Variants in EPB41L2 observed in about 807,000 individuals in gnomAD.
The protein encoded by EPB41L2 is band 4.1-like protein 2.
EPB41L2 carries 43 observed loss-of-function variants against 113.0 expected under a neutral mutation model. The observed-to-expected ratio is 0.38, with a 90% CI of 0.30 to 0.49. EPB41L2 has a LOEUF of 0.49. EPB41L2 is among the 20% of genes least tolerant of loss of function. EPB41L2 has a pLI of 0.95. For synonymous variants in EPB41L2, 442 were observed against 436.7 expected (o/e 1.01, Z -0.15); for missense variants, 1,147 against 1,223.4 (o/e 0.94, Z 0.93).
intron 3 of EPB41L2, among the ~76,000 whole-genome samples, chr6:130,932,923 T>C (rs970377299): frequency 5.9e-5 from 9 of 152,238 alleles, no homozygotes; most frequent in African/African-American, 1.9e-4. Context: ...TACCAACCCA[T>C]AATGTTCAAG....
intron 1 of EPB41L2, among the ~76,000 whole-genome samples, chr6:130,989,841 C>CAT (rs1181637678): frequency 2.0e-5 from 3 of 152,102 alleles, no homozygotes; most frequent in Admixed American, 6.5e-5. Context: ...TGGTAAGACA[C>CAT]ATGGCCAAAG....
At chr6:130,900,216 T>G (rs1795916515) in intron 7 of EPB41L2, among the ~76,000 whole-genome samples, 1 of 152,136 alleles carries the variant, frequency 6.6e-6, no homozygotes, top group African/African-American at 2.4e-5. Flanking sequence ...TAAGAAAACA[T>G]TTAGAGTCAA....
At chr6:130,974,154 AAGGTCATG>A (rs1293608119) in intron 1 of EPB41L2, among the ~76,000 whole-genome samples, 1 of 152,152 alleles carries the variant, frequency 6.6e-6, no homozygotes, top group East Asian at 1.9e-4. Context: ...AGGTTTAGAT[AAGGTCATG>A]AGGGTGGGGC....
At chr6:130,944,619 T>C (rs1468177484) in intron 3 of EPB41L2, among the ~76,000 whole-genome samples, 1 of 152,142 alleles carries the variant, frequency 6.6e-6, no homozygotes, top group African/African-American at 2.4e-5. Context: ...GGATTTGAGT[T>C]GGAAACTAAG....
In EPB41L2 at chr6:130,869,637, C is replaced by G. The variant is rs981756305; in HGVS notation, c.2533G>C (p.Glu845Gln). Residue 845 changes from glutamate (E) to glutamine (Q), a missense_variant, in exon 15 of 20, where the codon GAG (glutamate) becomes CAG (glutamine). Glu to Gln is a conservative substitution (Grantham distance 29, BLOSUM62 2). Coordinates refer to ENST00000337057, the MANE Select transcript of EPB41L2 (RefSeq NM_001431.4). ...KQDMGEEAEEEPQKVNGEVSH... is the reference protein window; with the variant it reads ...KQDMGEEAEEQPQKVNGEVSH... ...ACCTCTCCGTTAACTTTCTGTGGCT[C>G]TTCCTCTGCTTCTTCTCCCATGTCT... 6.2e-6 allele frequency: 10 copies of G among 1,614,218 alleles called. No homozygotes were observed. The highest frequency in any genetic ancestry group is 8.5e-6 in the Non-Finnish European group (10 of 1,180,036).
intron 1 of EPB41L2, among the ~76,000 whole-genome samples, chr6:130,961,554 GAAT>G (rs1583984232): frequency 6.6e-6 from 1 of 152,104 alleles, no homozygotes; most frequent in Admixed American, 6.6e-5. Context: ...CCCTTAATCA[GAAT>G]ACTACAGCAA....
chr6:130,956,633 G>A, intron 1 of EPB41L2, 134 bp from the exon 2 acceptor site: 1 of 841,264 alleles, frequency 1.2e-6, no homozygotes, highest in Non-Finnish European at 1.8e-6. Context: ...CAAGAAAGAA[G>A]ATTCAAAAGC....
At chr6:130,870,965 G>GTCAATATATATACAA (rs1362801533) in intron 14 of EPB41L2, among the ~76,000 whole-genome samples, 33 of 152,212 alleles carry the variant, frequency 2.2e-4, no homozygotes, top group Admixed American at 9.2e-4. Context: ...AATAGGGTGG[G>GTCAATATATATACAA]TGTCAATGGT....
At chr6:130,981,582 A>G (rs939258988) in intron 1 of EPB41L2, among the ~76,000 whole-genome samples, 3 of 152,230 alleles carry the variant, frequency 2.0e-5, no homozygotes, top group Non-Finnish European at 4.4e-5. Context: ...GACAGTGCAC[A>G]CAAATACTAT....
At chr6:130,884,004 T>A (rs1430074610) in intron 12 of EPB41L2, among the ~76,000 whole-genome samples, 1 of 152,134 alleles carries the variant, frequency 6.6e-6, no homozygotes, top group Non-Finnish European at 1.5e-5. Flanking sequence ...TCTTTATACA[T>A]TTATGTCTTT....
chr6:130,864,313 A>G (rs572553022), intron 17 of EPB41L2, among the ~76,000 whole-genome samples: 1 of 152,348 alleles, frequency 6.6e-6, no homozygotes, highest in East Asian at 1.9e-4. Context: ...ATTTAGTGCA[A>G]TAATTTTAAA....
At chr6:130,933,982 A>G (rs1290732820) in intron 3 of EPB41L2, among the ~76,000 whole-genome samples, 1 of 152,212 alleles carries the variant, frequency 6.6e-6, no homozygotes, top group Non-Finnish European at 1.5e-5. Context: ...TGCAATCTAT[A>G]CATTACAGCC....
chr6:131,002,791 G>A (rs546440214), intron 1 of EPB41L2, among the ~76,000 whole-genome samples: 3 of 152,064 alleles, frequency 2.0e-5, no homozygotes, highest in African/African-American at 7.2e-5. Flanking sequence ...TCTTCCAATC[G>A]CTTGGGCCAA....
At chr6:130,974,728 T>TTC (rs1188726520) in intron 1 of EPB41L2, among the ~76,000 whole-genome samples, 4 of 128,142 alleles carry the variant, frequency 3.1e-5, no homozygotes, top group Admixed American at 1.6e-4. Context: ...TTTTTTTTTT[T>TTC]TTTTTTTTTT....
chr6:130,983,679 C>A (rs1352752334), intron 1 of EPB41L2, among the ~76,000 whole-genome samples: 1 of 152,024 alleles, frequency 6.6e-6, no homozygotes, highest in African/African-American at 2.4e-5. Flanking sequence ...CAGGCACACA[C>A]CACCTGCCCT....
chr6:130,876,827 C>G lies in EPB41L2; in HGVS notation c.2043+1277G>C, dbSNP rs1045407001. On this transcript the variant is annotated intron_variant, in intron 14 of 19. Coordinates refer to ENST00000337057, the MANE Select transcript of EPB41L2 (RefSeq NM_001431.4). ...CAACAAATAAGACACATACATTACACCTATAGCAACACAAACACAAAATAC... is the reference window on the plus strand; with the variant it reads ...CAACAAATAAGACACATACATTACAGCTATAGCAACACAAACACAAAATAC... The G allele has an allele frequency of 6.2e-6, 7 of 1,130,370 alleles. No homozygotes were observed. In the Admixed American group the frequency reaches 1.4e-4, roughly 23 times the overall value. The allele number at this position is 1,130,370 out of a possible 1,614,324, so 70.0% of individuals were successfully genotyped here.
chr6:130,927,751 T>C (rs1287239942), intron 3 of EPB41L2, among the ~76,000 whole-genome samples: 3 of 152,142 alleles, frequency 2.0e-5, no homozygotes, highest in Non-Finnish European at 4.4e-5. Context: ...CATCAAATTG[T>C]AAAGGGAAGA....
chr6:131,040,613 T>C, intron 1 of EPB41L2, among the ~76,000 whole-genome samples: 1 of 152,198 alleles, frequency 6.6e-6, no homozygotes, highest in South Asian at 2.1e-4. Flanking sequence ...ACTATTTGTA[T>C]GGTACCAACA....
intron 1 of EPB41L2, among the ~76,000 whole-genome samples, chr6:131,053,215 T>C (rs1034600737): frequency 2.7e-5 from 4 of 148,156 alleles, no homozygotes; most frequent in African/African-American, 1.0e-4. Flanking sequence ...TAACAAATAA[T>C]AAAACATAAA....
Sources: allele counts gnomAD v4.1 joint callset (sites outside exome capture counted in the v4.1 genomes callset), GRCh38; gene constraint gnomAD v4.1.1; transcripts MANE v1.5; gene names NCBI Gene and HGNC (gene_info 2026-07-23, HGNC 2026-07-21).